ZNF91: variants seen among roughly 807,000 people sequenced by gnomAD.
ZNF91 encodes zinc finger protein 91 (HPF7, HTF10).
ZNF91 carries 7 observed loss-of-function variants against 12.6 expected under a neutral mutation model. That is an observed-to-expected ratio of 0.55 (90% CI 0.31 to 1.04). The LOEUF (loss-of-function observed/expected upper bound fraction) is 1.04, where lower values mean the gene tolerates loss of function less well. ZNF91 is among the 50% of genes least tolerant of loss of function. The pLI is 0.05. For synonymous variants in ZNF91, 453 were observed against 462.6 expected (o/e 0.98, Z 0.27); for missense variants, 1,217 against 1,385.4 (o/e 0.88, Z 1.93).
chr19:23,369,396 C>A (rs925821702), intron 3 of ZNF91, among the ~76,000 whole-genome samples: 30 of 151,680 alleles, frequency 2.0e-4, no homozygotes, highest in Non-Finnish European at 3.7e-4. Flanking sequence ...GTGGGGTGCG[C>A]CTCCGCCCGG....
chr19:23,387,281 T>C (rs1350029967), intron 1 of ZNF91, among the ~76,000 whole-genome samples: 3 of 152,328 alleles, frequency 2.0e-5, no homozygotes, highest in South Asian at 2.1e-4. Context: ...CCAAGCAACC[T>C]CATCACTGGG....
chr19:23,319,118 T>A (rs1967630811), intron 1 of ZNF91, among the ~76,000 whole-genome samples: 1 of 152,160 alleles, frequency 6.6e-6, no homozygotes, highest in African/African-American at 2.4e-5. Context: ...ACTCAGTGAG[T>A]ACTGTGACAT....
chr19:23,316,920 C>A (rs1967571945), intron 1 of ZNF91, among the ~76,000 whole-genome samples: 2 of 152,174 alleles, frequency 1.3e-5, no homozygotes, highest in African/African-American at 4.8e-5. Context: ...GGACAGAGCC[C>A]ACAGGTGAGG....
intron 1 of ZNF91, among the ~76,000 whole-genome samples, chr19:23,333,527 A>G (rs1257372868): frequency 1.3e-5 from 2 of 152,128 alleles, no homozygotes; most frequent in African/African-American, 4.8e-5. Flanking sequence ...TGAGAGGAAG[A>G]CCTTCTGTGT....
At chr19:23,310,727 T>C (rs1967457051), upstream of ZNF91, 1 of 152,150 alleles carries the variant, frequency 6.6e-6, no homozygotes, top group Admixed American at 6.5e-5. Context: ...ACTCTTTCCT[T>C]GACAATGTCC....
rs1417114546 is a variant in ZNF91 at position 23,358,293 on chromosome 19, G to A, written c.*1110C>T. On this transcript the variant is annotated 3_prime_UTR_variant, in exon 4 of 4. Transcript: ENST00000300619. ...CATACTAAACTTTAACTAAAATTAA[G>A]AATGTTTTTCTTTCATAATAATGCA... 2 of 151,970 alleles carry A rather than the reference G, an allele frequency of 1.3e-5. No homozygotes were observed. The highest frequency in any genetic ancestry group is 6.6e-5 in the Admixed American group (1 of 15,256). 9.4% of individuals were successfully genotyped at this position (151,970 alleles called of 1,614,324 possible).
chr19:23,351,837 C>T (rs1968375362), intron 3 of ZNF91, among the ~76,000 whole-genome samples: 1 of 152,158 alleles, frequency 6.6e-6, no homozygotes, highest in African/African-American at 2.4e-5. Flanking sequence ...AGACCCTCCT[C>T]TCCTGAACAC....
Position 23,358,670 on chromosome 19 carries a change from A to G in ZNF91, c.*733T>C, listed in dbSNP as rs295368. The G allele has an allele frequency of 0.29, 44,848 of 154,112 alleles. 6,894 individuals are homozygous for G. The highest frequency in any genetic ancestry group is 0.38 in the African/African-American group (15,927 of 41,466). The allele number at this position is 154,112 out of a possible 1,614,324, so 9.5% of individuals were successfully genotyped here. Reference sequence around the variant, plus strand: ...TCCTATGCATTAAGGTGTGAGCATTAGTTCAAAGCTTGGCCACATTGTTCA... The same window carrying G: ...TCCTATGCATTAAGGTGTGAGCATTGGTTCAAAGCTTGGCCACATTGTTCA... On this transcript the variant is annotated 3_prime_UTR_variant, in exon 4 of 4. Transcript: ENST00000300619.
chr19:23,391,698 C>T (rs1486191407), intron 1 of ZNF91, among the ~76,000 whole-genome samples: 1 of 152,188 alleles, frequency 6.6e-6, no homozygotes, highest in Non-Finnish European at 1.5e-5. Flanking sequence ...TTAACTGCAT[C>T]TGCGTGTGGG....
At chr19:23,350,946 A>T (rs954970918) in intron 3 of ZNF91, among the ~76,000 whole-genome samples, 2 of 151,998 alleles carry the variant, frequency 1.3e-5, no homozygotes, top group African/African-American at 4.8e-5. Context: ...ACATTGCCTC[A>T]TCTTGTCTGT....
At chr19:23,317,242 G>T (rs916455414) in intron 1 of ZNF91, among the ~76,000 whole-genome samples, 15 of 151,990 alleles carry the variant, frequency 9.9e-5, no homozygotes, top group African/African-American at 3.6e-4. Flanking sequence ...TAGAGACGGG[G>T]TTTCACCGTC....
At chr19:23,324,166 TC>T (rs1005488988) in intron 1 of ZNF91, 2 of 147,768 alleles carry the variant, frequency 1.4e-5, no homozygotes, top group African/African-American at 5.1e-5. Flanking sequence ...CTCATTCTTT[TC>T]TTCTTCTCCT....
At chr19:23,375,003 T>C (rs1210260954) in intron 1 of ZNF91, among the ~76,000 whole-genome samples, 7 of 152,186 alleles carry the variant, frequency 4.6e-5, no homozygotes, top group African/African-American at 1.7e-4. Flanking sequence ...GTCTAGATGA[T>C]AAAGTGTAAA....
At chr19:23,364,636 A>C (rs959418163) in intron 3 of ZNF91, among the ~76,000 whole-genome samples, 1 of 152,110 alleles carries the variant, frequency 6.6e-6, no homozygotes, top group African/African-American at 2.4e-5. Context: ...GAGTTATGAT[A>C]GTTTTAAATT....
chr19:23,387,745 G>A (rs948363349), intron 1 of ZNF91, among the ~76,000 whole-genome samples: 2 of 151,920 alleles, frequency 1.3e-5, no homozygotes, highest in Non-Finnish European at 2.9e-5. Context: ...TTCAAGACTA[G>A]CCTGGCCAAC....
chr19:23,369,307 C>T (rs1969162103), intron 3 of ZNF91, among the ~76,000 whole-genome samples: 1 of 150,170 alleles, frequency 6.7e-6, no homozygotes, highest in Non-Finnish European at 1.5e-5. Context: ...AAGAATTTGT[C>T]TCAGAAAAAA....
chr19:23,343,565 G>A (rs1968164460), intron 3 of ZNF91, among the ~76,000 whole-genome samples: 1 of 152,364 alleles, frequency 6.6e-6, no homozygotes, highest in South Asian at 2.1e-4. Context: ...ATGACTCAGT[G>A]AGTTTGAGTG....
chr19:23,388,001 T>C (rs1462809465), intron 1 of ZNF91, among the ~76,000 whole-genome samples: 2 of 145,648 alleles, frequency 1.4e-5, no homozygotes, highest in African/African-American at 2.6e-5. Context: ...ATCCCAGCAC[T>C]TTGGGAGGCA....
intron 3 of ZNF91, among the ~76,000 whole-genome samples, chr19:23,369,413 C>T (rs1969173217): frequency 6.6e-6 from 1 of 151,764 alleles, no homozygotes; most frequent in African/African-American, 2.4e-5. Context: ...CCGGCCGCTG[C>T]CCCGTCCGGG....
Sources: allele counts gnomAD v4.1 joint callset (sites outside exome capture counted in the v4.1 genomes callset), GRCh38; gene constraint gnomAD v4.1.1; transcripts MANE v1.5; gene names NCBI Gene and HGNC (gene_info 2026-07-23, HGNC 2026-07-21).